Variants in ZNF732 observed in about 807,000 individuals in gnomAD.
ZNF732 encodes the protein zinc finger protein 732.
Under a neutral mutation model 11.5 loss-of-function variants are expected in ZNF732, and 12 were observed. The observed-to-expected ratio is 1.05, with a 90% CI of 0.67 to 1.70. ZNF732 has a LOEUF of 1.70. Among genes scored for constraint, ZNF732 ranks in the 40% most tolerant of loss-of-function variants. The pLI is 0.00. For synonymous variants in ZNF732, 231 were observed against 236.5 expected (o/e 0.98, Z 0.21); for missense variants, 702 against 676.9 (o/e 1.04, Z -0.41).
intron 3 of ZNF732, among the ~76,000 whole-genome samples, chr4:275,289 G>A (rs1719469819): frequency 6.6e-6 from 1 of 151,682 alleles, no homozygotes; most frequent in African/African-American, 2.4e-5. Context: ...ACTTAAGCAT[G>A]CTCTTGTTCA....
Position 271,523 on chromosome 4 carries a change from G to A in ZNF732, c.1334C>T (p.Pro445Leu), listed in dbSNP as rs1553837423. 3 of 1,611,496 alleles carry A rather than the reference G, an allele frequency of 1.9e-6. No homozygotes were observed. Among genetic ancestry groups the A allele is most frequent in the Non-Finnish European group, 2.5e-6 (3 of 1,178,778 alleles). ...TTTGCCACACTCTTCACATTTGTAA[G>A]GTTTCTCTCCAGTATGAATTATCTT... is the stretch of plus-strand genomic sequence containing the variant. ...KHKIIHTGEK[P>L]YKCEECGKAF... Residue 445 changes from proline (P) to leucine (L), a missense_variant, in exon 4 of 4, where the codon CCT (proline) becomes CTT (leucine). By Grantham distance (98) the Pro-to-Leu change is moderately conservative. This residue lies in a region of ZNF732 where 596 missense variants were observed against 557.9 expected (regional missense o/e 1.07). Coordinates refer to ENST00000419098, the MANE Select transcript of ZNF732 (RefSeq NM_001137608.3).
chr4:293,026 CCACTGCACTCCAGCCTGGGCAA>C (rs1365660843), intron 3 of ZNF732, among the ~76,000 whole-genome samples: 6 of 138,964 alleles, frequency 4.3e-5, no homozygotes, highest in Non-Finnish European at 9.1e-5. Context: ...CGAGATCGCG[CCACTGCACTCCAGCCTGGGCAA>C]CAGAGCAAGA....
In ZNF732 at chr4:295,526, A is replaced by G. The variant is rs782140243; in HGVS notation, c.138T>C (p.Ala46=). 6.2e-7 allele frequency: 1 copy of G among 1,611,754 alleles called. No homozygotes were observed. Among genetic ancestry groups the G allele is most frequent in the East Asian group, 2.2e-5 (1 of 44,854 alleles). ...NYRNLISLGV[A]ISNPDLVIYL... ...AGATGACCAGGTCTGGGTTAGAGAT[A>G]GCAACACCTGTTTATTTTAAAAAAT... is the stretch of plus-strand genomic sequence containing the variant. The change falls in exon 3 of 4, where the codon GCT becomes GCC. Residue 46 remains alanine (A), a synonymous_variant. Coordinates refer to ENST00000419098, the MANE Select transcript of ZNF732 (RefSeq NM_001137608.3).
At chr4:272,674 C>A (rs782369459) in intron 3 of ZNF732, 44 bp from the exon 4 acceptor site, 1 of 1,413,974 alleles carries the variant, frequency 7.1e-7, no homozygotes, top group Admixed American at 2.8e-5. Context: ...TAGATTCATA[C>A]GAATATACTT....
At chr4:284,515 A>C (rs975172759) in intron 3 of ZNF732, among the ~76,000 whole-genome samples, 11 of 152,160 alleles carry the variant, frequency 7.2e-5, no homozygotes, top group Non-Finnish European at 1.5e-4. Context: ...GAAAAACAAT[A>C]ATCTCAATGT....
chr4:279,827 C>G lies in ZNF732; in HGVS notation c.227-7197G>C, dbSNP rs370765069. Among the ~76,000 whole-genome samples the G allele has an allele frequency of 9.9e-5, 15 of 152,226 alleles. No individual in the cohort carries two copies. In the East Asian group the frequency reaches 2.7e-3, roughly 27 times the overall value. ...ACAATAAATAGGTGGTAATTTTTTACTGTTTCTTTGACTACTCACCTATAA... is the reference window on the plus strand; with the variant it reads ...ACAATAAATAGGTGGTAATTTTTTAGTGTTTCTTTGACTACTCACCTATAA... On this transcript the variant is annotated intron_variant, in intron 3 of 3. Coordinates refer to ENST00000419098, the MANE Select transcript of ZNF732 (RefSeq NM_001137608.3).
At chr4:301,660 T>C (rs559453949) in intron 1 of ZNF732, among the ~76,000 whole-genome samples, 50 of 151,836 alleles carry the variant, frequency 3.3e-4, no homozygotes, top group African/African-American at 1.0e-3. Flanking sequence ...TAGGTGGGAG[T>C]TGAACAATGA....
Position 305,436 on chromosome 4 carries a change from C to T in ZNF732, c.-126G>A, listed in dbSNP as rs994187212. On this transcript the variant is annotated 5_prime_UTR_variant, in exon 1 of 4. Coordinates refer to ENST00000419098, the MANE Select transcript of ZNF732 (RefSeq NM_001137608.3). ...CCTCCCTGAGGGGTGAAAGCACGGC[C>T]GTGGAGACCCTAACCGAGCTCACGC... is the stretch of plus-strand genomic sequence containing the variant. The T allele has an allele frequency of 1.7e-5, 23 of 1,381,432 alleles. No individual in the cohort carries two copies. The highest frequency in any genetic ancestry group is 4.0e-5 in the Admixed American group (2 of 50,174). The allele number at this position is 1,381,432 out of a possible 1,614,324, so 85.6% of individuals were successfully genotyped here.
rs782732877 is a variant in ZNF732, at chr4:272,338, G to C, written c.519C>G (p.Gly173=). ...GGTCTGAGAACTTCTGAAATGACTT[G>C]CCACATTCTTTAAAGTGTTTCTCTC... The part of the protein sequence containing the change: ...HTGEKHFKEC[G]KSFQKFSDLT... Residue 173 remains glycine, a synonymous_variant, in exon 4 of 4, where the codon GGC becomes GGG. Transcript: ENST00000419098. 6.2e-7 allele frequency: 1 copy of C among 1,610,022 alleles called. No individual in the cohort carries two copies. The highest frequency in any genetic ancestry group is 1.1e-5 in the South Asian group (1 of 90,690).
chr4:300,500 A>G (rs1412343599), intron 1 of ZNF732, among the ~76,000 whole-genome samples: 1 of 151,862 alleles, frequency 6.6e-6, no homozygotes, highest in Non-Finnish European at 1.5e-5. Context: ...AATTATAGCC[A>G]TTTGTGGCAA....
intron 3 of ZNF732, among the ~76,000 whole-genome samples, chr4:289,266 C>G (rs1174498087): frequency 6.6e-6 from 1 of 152,254 alleles, no homozygotes; most frequent in South Asian, 2.1e-4. Context: ...GAATTAGACA[C>G]TCTACCTGCC....
At chr4:285,185 GA>G (rs533664242) in intron 3 of ZNF732, among the ~76,000 whole-genome samples, 4 of 150,790 alleles carry the variant, frequency 2.7e-5, no homozygotes, top group African/African-American at 4.9e-5. Flanking sequence ...GTTTGTGAGG[GA>G]AAAAAAAATG....
intron 3 of ZNF732, among the ~76,000 whole-genome samples, chr4:294,834 T>A (rs1719911684): frequency 6.6e-6 from 1 of 152,226 alleles, no homozygotes; most frequent in Admixed American, 6.5e-5. Context: ...AGAGTTTAAA[T>A]CACAAATCTC....
chr4:272,055 G>T lies in ZNF732; in HGVS notation c.802C>A (p.His268Asn), dbSNP rs1351241400. The T allele has an allele frequency of 1.1e-5, 18 of 1,610,798 alleles. No individual in the cohort carries two copies. The highest frequency in any genetic ancestry group is 1.4e-5 in the Non-Finnish European group (17 of 1,178,470). ...AFNRSSTLTK[H>N]KRIHAEEKPF... ...TTCTCTTCAGCATGAATTCTCTTAT[G>T]CTTAGTAAGGGTTGAGGACCTATTA... The change falls in exon 4 of 4, where the codon CAT (histidine) becomes AAT (asparagine). Residue 268 changes from histidine to asparagine, a missense_variant. His to Asn is a moderately conservative substitution (Grantham distance 68, BLOSUM62 1). This residue lies in a region of ZNF732 where 596 missense variants were observed against 557.9 expected (regional missense o/e 1.07). Coordinates refer to ENST00000419098, the MANE Select transcript of ZNF732 (RefSeq NM_001137608.3).
intron 1 of ZNF732, among the ~76,000 whole-genome samples, chr4:300,923 G>A (rs1553843523): frequency 2.0e-5 from 3 of 152,158 alleles, no homozygotes; most frequent in Admixed American, 6.5e-5. Context: ...TACCATCAGA[G>A]TGAACAGGCA....
At chr4:299,551 A>ATG (rs1225913724) in intron 1 of ZNF732, among the ~76,000 whole-genome samples, 2 of 136,674 alleles carry the variant, frequency 1.5e-5, no homozygotes, top group Non-Finnish European at 3.1e-5. Flanking sequence ...ACACATATAT[A>ATG]TGTATATATA....
At chr4:272,672 T>C (rs1553838072) in intron 3 of ZNF732, 42 bp from the exon 4 acceptor site, 2 of 1,423,454 alleles carry the variant, frequency 1.4e-6, no homozygotes, top group South Asian at 1.6e-5. Context: ...ACTAGATTCA[T>C]ACGAATATAC....
At chr4:290,028 A>T (rs1330404175) in intron 3 of ZNF732, among the ~76,000 whole-genome samples, 1 of 152,252 alleles carries the variant, frequency 6.6e-6, no homozygotes, top group Non-Finnish European at 1.5e-5. Flanking sequence ...AAATGAAAAT[A>T]TCTTGTCAGA....
At chr4:287,279 A>G (rs1327462385) in intron 3 of ZNF732, among the ~76,000 whole-genome samples, 1 of 150,952 alleles carries the variant, frequency 6.6e-6, no homozygotes, top group African/African-American at 2.4e-5. Flanking sequence ...CAATGGCGTG[A>G]TCTCGGCTCA....
Sources: allele counts gnomAD v4.1 joint callset (sites outside exome capture counted in the v4.1 genomes callset), GRCh38; gene constraint gnomAD v4.1.1; regional missense constraint gnomAD v4.1.1; transcripts MANE v1.5; gene names NCBI Gene and HGNC (gene_info 2026-07-23, HGNC 2026-07-21).